Variants in BTBD9 observed in about 807,000 individuals in gnomAD.
BTBD9 encodes the protein BTB domain containing 9.
BTBD9 carries 49 observed loss-of-function variants against 64.3 expected under a neutral mutation model. The observed-to-expected ratio is 0.76, with a 90% CI of 0.61 to 0.97. The LOEUF (loss-of-function observed/expected upper bound fraction) is 0.97, where lower values mean the gene tolerates loss of function less well. Ranked by LOEUF, BTBD9 falls within the 50% of genes least tolerant of loss-of-function variation. The pLI, the probability that BTBD9 is intolerant of heterozygous loss-of-function variation, is 0.00. For missense variants in BTBD9, 598 were observed against 762.1 expected (o/e 0.78, Z 2.53); for synonymous variants, 260 against 274.7 (o/e 0.95, Z 0.53).
At chr6:38,554,591 A>G (rs1774938942) in intron 6 of BTBD9, among the ~76,000 whole-genome samples, 2 of 152,188 alleles carry the variant, frequency 1.3e-5, no homozygotes, top group Admixed American at 1.3e-4. Flanking sequence ...ATTAGAACGG[A>G]GCTTGCATAC....
intron 7 of BTBD9, among the ~76,000 whole-genome samples, chr6:38,318,873 C>T (rs1326140519): frequency 1.3e-5 from 2 of 152,196 alleles, no homozygotes; most frequent in Non-Finnish European, 2.9e-5. Context: ...TCCCCCAGGC[C>T]CCATGCAGGT....
chr6:38,269,850 C>T (rs1237213197), intron 8 of BTBD9, among the ~76,000 whole-genome samples: 1 of 152,134 alleles, frequency 6.6e-6, no homozygotes, highest in Non-Finnish European at 1.5e-5. Context: ...AATAACCCTC[C>T]CAGGTGCCGA....
intron 6 of BTBD9, among the ~76,000 whole-genome samples, chr6:38,367,069 A>G (rs1029076037): frequency 6.6e-6 from 1 of 152,228 alleles, no homozygotes; most frequent in African/African-American, 2.4e-5. Context: ...TCGCCCAAAA[A>G]TGTGAACACT....
At chr6:38,251,836 G>A (rs1384649136) in intron 9 of BTBD9, among the ~76,000 whole-genome samples, 1 of 149,788 alleles carries the variant, frequency 6.7e-6, no homozygotes. Context: ...AGGCTGCAGT[G>A]AGCCAAGATT....
At chr6:38,530,538 C>G (rs1773752694) in intron 6 of BTBD9, among the ~76,000 whole-genome samples, 1 of 97,364 alleles carries the variant, frequency 1.0e-5, no homozygotes. Context: ...TGTACTGTCT[C>G]TGTTTATTTC....
At chr6:38,612,584 A>C (rs1406335187) in intron 1 of BTBD9, among the ~76,000 whole-genome samples, 1 of 152,246 alleles carries the variant, frequency 6.6e-6, no homozygotes, top group African/African-American at 2.4e-5. Context: ...TGGCCAGTCC[A>C]CAAATGCCTA....
intron 6 of BTBD9, among the ~76,000 whole-genome samples, chr6:38,412,499 T>C (rs920594561): frequency 2.0e-5 from 3 of 151,300 alleles, no homozygotes; most frequent in African/African-American, 7.3e-5. Context: ...AGGGAGCAGC[T>C]GAAGTCTTAC....
intron 6 of BTBD9, among the ~76,000 whole-genome samples, chr6:38,458,679 G>C (rs1672662567): frequency 6.6e-6 from 1 of 152,180 alleles, no homozygotes; most frequent in African/African-American, 2.4e-5. Flanking sequence ...AGTTTTCACT[G>C]TAGCAACATA....
chr6:38,395,749 G>A (rs768660970), intron 6 of BTBD9, among the ~76,000 whole-genome samples: 14 of 150,080 alleles, frequency 9.3e-5, no homozygotes, highest in Non-Finnish European at 1.8e-4. Flanking sequence ...TCGGTCTGTC[G>A]CCCAGGCTGG....
chr6:38,428,505 A>G (rs1768284183), intron 6 of BTBD9, among the ~76,000 whole-genome samples: 1 of 149,042 alleles, frequency 6.7e-6, no homozygotes, highest in African/African-American at 2.5e-5. Flanking sequence ...GATCCGTATT[A>G]AAGCATTTTT....
At chr6:38,355,397 G>T (rs2127595054) in intron 6 of BTBD9, among the ~76,000 whole-genome samples, 1 of 152,284 alleles carries the variant, frequency 6.6e-6, no homozygotes, top group East Asian at 1.9e-4. Context: ...CAGGTTGGGA[G>T]GGGGAGTAGT....
At chr6:38,384,651 A>G (rs1016562565) in intron 6 of BTBD9, among the ~76,000 whole-genome samples, 29 of 152,198 alleles carry the variant, frequency 1.9e-4, no homozygotes, top group African/African-American at 7.0e-4. Context: ...AGAAGACTAG[A>G]AAACAATTTG....
At chr6:38,454,480 C>T (rs186302381) in intron 6 of BTBD9, among the ~76,000 whole-genome samples, 1 of 144,600 alleles carries the variant, frequency 6.9e-6, no homozygotes, top group Non-Finnish European at 1.5e-5. Context: ...AAATATAGGG[C>T]CAATATTTAA....
At chr6:38,219,819 C>T (rs1404125727) in intron 9 of BTBD9, among the ~76,000 whole-genome samples, 4 of 152,152 alleles carry the variant, frequency 2.6e-5, no homozygotes, top group Non-Finnish European at 5.9e-5. Context: ...AATTATAAAT[C>T]GTTTCAAACA....
chr6:38,324,990 T>C (rs1006177014), intron 7 of BTBD9, among the ~76,000 whole-genome samples: 6 of 152,182 alleles, frequency 3.9e-5, no homozygotes, highest in Non-Finnish European at 5.9e-5. Context: ...TAAATGACTT[T>C]ATGTAAATTG....
At chr6:38,343,055 C>T (rs544101009) in intron 7 of BTBD9, among the ~76,000 whole-genome samples, 4 of 152,274 alleles carry the variant, frequency 2.6e-5, no homozygotes, top group South Asian at 2.1e-4. Context: ...ACCACTGCTC[C>T]CACTTGGCTG....
At chr6:38,332,455 TTACACA>T (rs1763715629) in intron 7 of BTBD9, among the ~76,000 whole-genome samples, 1 of 152,222 alleles carries the variant, frequency 6.6e-6, no homozygotes, top group Non-Finnish European at 1.5e-5. Context: ...CATTATATTC[TTACACA>T]TACTGGGATC....
intron 6 of BTBD9, among the ~76,000 whole-genome samples, chr6:38,430,930 TG>T (rs1768416190): frequency 6.6e-6 from 1 of 152,008 alleles, no homozygotes; most frequent in Non-Finnish European, 1.5e-5. Flanking sequence ...TCATTTGATG[TG>T]GTTGACTTCT....
intron 7 of BTBD9, among the ~76,000 whole-genome samples, chr6:38,291,894 C>T (rs1252252388): frequency 6.6e-6 from 1 of 151,826 alleles, no homozygotes; most frequent in Non-Finnish European, 1.5e-5. Context: ...ATTCAGTTTG[C>T]CAGTATTTTA....
Sources: allele counts gnomAD v4.1 joint callset (sites outside exome capture counted in the v4.1 genomes callset), GRCh38; gene constraint gnomAD v4.1.1; transcripts MANE v1.5; gene names NCBI Gene and HGNC (gene_info 2026-07-23, HGNC 2026-07-21).